Variants in IP6K1 observed in about 807,000 individuals in gnomAD.
IP6K1 encodes the protein inositol hexakisphosphate kinase 1, also known as ATP:1D-myo-inositol-hexakisphosphate phosphotransferase.
In IP6K1, 13 loss-of-function variants were observed where a neutral mutation model predicts 38.3. The ratio of observed to expected loss-of-function variants is 0.34; its 90% CI spans 0.22 to 0.54. The LOEUF is 0.54. IP6K1 is among the 20% of genes least tolerant of loss of function. The pLI is 0.92. For synonymous variants in IP6K1, 212 were observed against 229.9 expected, an observed-to-expected ratio of 0.92 and a Z score of 0.70; for missense variants, 397 against 599.8, an observed-to-expected ratio of 0.66 and a Z score of 3.53.
Position 49,748,179 on chromosome 3 carries a change from G to T in IP6K1, c.-128-11C>A. 1 of 844,770 alleles carries T rather than the reference G, an allele frequency of 1.2e-6. No homozygotes were observed. The highest frequency in any genetic ancestry group is 1.9e-6 in the Non-Finnish European group (1 of 539,932). 52.3% of individuals were successfully genotyped at this position (844,770 alleles called of 1,614,324 possible). A position where few individuals can be genotyped will look rare whatever the true frequency, so the allele number is the denominator to read the frequency against. ...GCTTATTATTCTGTCCTACAGAAAAGAAGAGAGGAAGAAGGAATCAAAACA... is the reference window on the plus strand; with the variant it reads ...GCTTATTATTCTGTCCTACAGAAAATAAGAGAGGAAGAAGGAATCAAAACA... On this transcript the variant is annotated splice_polypyrimidine_tract_variant and intron_variant, in intron 1 of 5. Transcript: ENST00000321599.
chr3:49,743,399 CAACA>C (rs1162255742), intron 2 of IP6K1, among the ~76,000 whole-genome samples: 1 of 151,796 alleles, frequency 6.6e-6, no homozygotes, highest in African/African-American at 2.4e-5. Context: ...CTAGCCCAGG[CAACA>C]TAGTGAGGTC....
At chr3:49,754,701 G>A (rs1280016019) in intron 1 of IP6K1, among the ~76,000 whole-genome samples, 1 of 152,106 alleles carries the variant, frequency 6.6e-6, no homozygotes, top group Non-Finnish European at 1.5e-5. Context: ...ATCAGATATA[G>A]TGGCGAACAA....
intron 1 of IP6K1, among the ~76,000 whole-genome samples, chr3:49,774,343 GCT>G (rs1226209767): frequency 7.0e-6 from 1 of 143,492 alleles, no homozygotes; most frequent in Non-Finnish European, 1.5e-5. Context: ...AGGAGGTGGA[GCT>G]TGCAGTGAGC....
At chr3:49,744,672 T>C (rs192398505) in intron 2 of IP6K1, among the ~76,000 whole-genome samples, 2 of 152,166 alleles carry the variant, frequency 1.3e-5, no homozygotes, top group African/African-American at 2.4e-5. Flanking sequence ...ACCAAGGAGC[T>C]CTGTTTCTTT....
rs2080487776 is a variant in IP6K1 at position 49,725,222 on chromosome 3, CAGAATCGA to C, written c.*1892_*1899del. The C allele has an allele frequency of 6.6e-6, 1 of 152,656 alleles. No homozygotes were observed. The highest frequency in any genetic ancestry group is 6.5e-5 in the Admixed American group (1 of 15,286). The allele number at this position is 152,656 out of a possible 1,614,324, so 9.5% of individuals were successfully genotyped here. A position where few individuals can be genotyped will look rare whatever the true frequency, so the allele number is the denominator to read the frequency against. On this transcript the variant is annotated 3_prime_UTR_variant, in exon 6 of 6. Transcript: ENST00000321599. ...AGCAGAATGCGGCAGCCTCTCCTCC[CAGAATCGA>C]GGAATCTGGGAGGCACAGGACATCC...
intron 3 of IP6K1, among the ~76,000 whole-genome samples, chr3:49,737,223 T>C (rs2080620826): frequency 2.0e-5 from 3 of 152,130 alleles, no homozygotes; most frequent in African/African-American, 7.2e-5. Flanking sequence ...GTTTAACTTT[T>C]TGAAGAACTG....
rs372289354 is a variant in IP6K1 at position 49,762,319 on chromosome 3, G to A, written c.-128-14151C>T. 3.3e-4 allele frequency among the ~76,000 whole-genome samples: 50 copies of A among 152,250 alleles called. No homozygotes were observed. The East Asian group carries it at 7.7e-3, about 24-fold the overall frequency. ...GGTACTTTGGGAGGCTGAGGCAGGC[G>A]GACCATGAGGTCAGGAGACTGAGAC... is the stretch of plus-strand genomic sequence containing the variant. On this transcript the variant is annotated intron_variant, in intron 1 of 5. Transcript: ENST00000321599.
At chr3:49,751,156 T>TTGTTG (rs1553694826) in intron 1 of IP6K1, among the ~76,000 whole-genome samples, 36 of 148,992 alleles carry the variant, frequency 2.4e-4, no homozygotes, top group East Asian at 1.2e-3. Flanking sequence ...TCCTTTTTTT[T>TTGTTG]TTGTTGTTGT....
intron 1 of IP6K1, among the ~76,000 whole-genome samples, chr3:49,782,325 C>A (rs1356257274): frequency 6.6e-6 from 1 of 151,950 alleles, no homozygotes; most frequent in Non-Finnish European, 1.5e-5. Context: ...TGCACGCCAC[C>A]ACACCTGGCT....
At position 49,727,314 on chromosome 3, in the gene IP6K1, G is replaced by A; in HGVS notation, c.1134C>T (p.Pro378=). 1 of 1,614,094 alleles carries A rather than the reference G, an allele frequency of 6.2e-7. No homozygotes were observed. The highest frequency in any genetic ancestry group is 8.5e-7 in the Non-Finnish European group (1 of 1,180,000). The change falls in exon 6 of 6, where the codon CCC becomes CCT. Residue 378 remains proline (P), a synonymous_variant. Transcript: ENST00000321599. This position sits in a 1 kb window ranked among gnomAD's most constrained non-coding sequence, Gnocchi z 5.9. ...VASSCGPSTS[P]SNTSPEAGPS... ...GACCCGCCTCGGGGCTGGTGTTGCTGGGGCTGGTGCTGGGGCCACAGGATG... is the reference window on the plus strand; with the variant it reads ...GACCCGCCTCGGGGCTGGTGTTGCTAGGGCTGGTGCTGGGGCCACAGGATG...
At chr3:49,768,932 T>C (rs2080933393) in intron 1 of IP6K1, among the ~76,000 whole-genome samples, 1 of 152,162 alleles carries the variant, frequency 6.6e-6, no homozygotes, top group South Asian at 2.1e-4. Flanking sequence ...TGAATGTATT[T>C]AATGCCACTG....
intron 1 of IP6K1, among the ~76,000 whole-genome samples, chr3:49,749,955 T>C (rs1165551656): frequency 6.6e-6 from 1 of 151,604 alleles, no homozygotes; most frequent in East Asian, 1.9e-4. Flanking sequence ...CTCCATTCTC[T>C]CCAAACCTGA....
At chr3:49,758,636 A>G (rs1253843548) in intron 1 of IP6K1, 1 of 152,240 alleles carries the variant, frequency 6.6e-6, no homozygotes, top group Non-Finnish European at 1.5e-5. Flanking sequence ...AAAAGCTAGT[A>G]TCTTTCAGAG....
At chr3:49,747,315 A>C (rs28396620) in intron 2 of IP6K1, among the ~76,000 whole-genome samples, 1 of 152,220 alleles carries the variant, frequency 6.6e-6, no homozygotes, top group Non-Finnish European at 1.5e-5. Context: ...TTTTCTATAA[A>C]GTTGACTTAT....
chr3:49,733,552 T>C (rs1166664364), intron 3 of IP6K1, among the ~76,000 whole-genome samples: 1 of 152,206 alleles, frequency 6.6e-6, no homozygotes, highest in Non-Finnish European at 1.5e-5. Context: ...GGGATATACA[T>C]ACAATGGAAT....
chr3:49,755,450 ATTAAAG>A (rs977615771), intron 1 of IP6K1, among the ~76,000 whole-genome samples: 4 of 152,186 alleles, frequency 2.6e-5, no homozygotes, highest in South Asian at 4.1e-4. Context: ...AATTTGTGTA[ATTAAAG>A]TTAAACTTGG....
intron 1 of IP6K1, among the ~76,000 whole-genome samples, chr3:49,762,700 C>A (rs1038001353): frequency 6.6e-6 from 1 of 151,980 alleles, no homozygotes; most frequent in Non-Finnish European, 1.5e-5. Context: ...AAATATCAAT[C>A]TTACATAATT....
At position 49,727,659 on chromosome 3, in the gene IP6K1, A is replaced by T; in HGVS notation, c.793-4T>A. The T allele has an allele frequency of 6.2e-7, 1 of 1,611,486 alleles. No homozygotes were observed. Among genetic ancestry groups the T allele is most frequent in the Non-Finnish European group, 8.5e-7 (1 of 1,178,010 alleles). On this transcript the variant is annotated splice_region_variant and splice_polypyrimidine_tract_variant and intron_variant, in intron 5 of 5. Coordinates refer to ENST00000321599, the MANE Select transcript of IP6K1 (RefSeq NM_153273.4). This position sits in a 1 kb window ranked among gnomAD's most constrained non-coding sequence, Gnocchi z 5.9. ...GCCCTGTGTCCAGCTGGTACACCTG[A>T]AACCCCAGGAGGCAGACAGGGTGAG...
intron 1 of IP6K1, among the ~76,000 whole-genome samples, chr3:49,774,407 C>CAAAAAAAAAAA (rs777187857): frequency 3.6e-4 from 16 of 44,270 alleles, no homozygotes; most frequent in Non-Finnish European, 5.2e-4. Context: ...GACTCCATCT[C>CAAAAAAAAAAA]AAAAAAAAAA....
Sources: gnomAD v4.1 joint callset for allele counts (sites outside exome capture counted in the v4.1 genomes callset) on GRCh38, gnomAD v4.1.1 for gene constraint, Gnocchi (gnomAD v3.1) non-coding constraint, MANE v1.5 for transcripts, NCBI Gene and HGNC (gene_info 2026-07-23, HGNC 2026-07-21) for gene names.